COQ3: variants seen among roughly 807,000 people sequenced by gnomAD.
COQ3 encodes ubiquinone biosynthesis O-methyltransferase, mitochondrial.
A neutral mutation model predicts 33.1 loss-of-function variants in COQ3; 29 were observed. The observed-to-expected ratio is 0.88, with a 90% CI of 0.65 to 1.19. The LOEUF (loss-of-function observed/expected upper bound fraction) is 1.19. COQ3 is among the 50% of genes most tolerant of loss of function. The pLI, the probability that COQ3 is intolerant of heterozygous loss-of-function variation, is 0.00. For missense variants in COQ3, 437 were observed against 430.7 expected (o/e 1.01, Z -0.13); for synonymous variants, 173 against 157.8 (o/e 1.10, Z -0.72).
At chr6:99,389,894 A>C (rs1303084869) in intron 1 of COQ3, among the ~76,000 whole-genome samples, 1 of 152,186 alleles carries the variant, frequency 6.6e-6, no homozygotes, top group Non-Finnish European at 1.5e-5. Flanking sequence ...TGGGCGGATC[A>C]CTTGAGGTCA....
intron 1 of COQ3, among the ~76,000 whole-genome samples, chr6:99,385,091 A>T (rs1371120683): frequency 1.3e-5 from 2 of 152,246 alleles, no homozygotes; most frequent in Non-Finnish European, 2.9e-5. Context: ...AGCCTGGGCG[A>T]CAGAGCAAGA....
chr6:99,384,032 C>T (rs1453175247), intron 1 of COQ3, among the ~76,000 whole-genome samples: 12 of 152,204 alleles, frequency 7.9e-5, no homozygotes, highest in Middle Eastern at 3.4e-3. Context: ...TCCCAAGTAG[C>T]GGGGACTACA....
At position 99,377,397 on chromosome 6, in the gene COQ3, G is replaced by A. The variant is rs779109045; in HGVS notation, c.475C>T (p.Leu159=). ...KILDVGCGGG[L]LTEPLGRLGA... ...AAGCTGTCACTTACTTCAGTTAACAGCCCACCACCACAGCCAACGTCAAGA... is the reference window on the plus strand; with the variant it reads ...AAGCTGTCACTTACTTCAGTTAACAACCCACCACCACAGCCAACGTCAAGA... Residue 159 remains leucine (L), a synonymous_variant, in exon 4 of 7, where the codon CTG becomes TTG. Coordinates refer to ENST00000254759, the MANE Select transcript of COQ3 (RefSeq NM_017421.4). The A allele has an allele frequency of 9.3e-6, 15 of 1,612,592 alleles. No individual in the cohort carries two copies. Among genetic ancestry groups the A allele is most frequent in the Non-Finnish European group, 1.2e-5 (14 of 1,179,048 alleles).
rs1371758893 is a variant in COQ3, at chr6:99,371,535, G to T, written c.782C>A (p.Ala261Asp). The change falls in exon 6 of 7, where the codon GCC becomes GAC. Residue 261 changes from alanine (A) to aspartate (D), a missense_variant. Transcript: ENST00000254759. ...TTGCTCTGAAAAAACAATTCCCAAG[G>T]CATAGGAAAGTTGTGTTTTGTTGAT... The part of the protein sequence containing the change: ...TTINKTQLSY[A>D]LGIVFSEQIA... 6.2e-7 allele frequency: 1 copy of T among 1,606,882 alleles called. No homozygotes were observed. The highest frequency in any genetic ancestry group is 8.5e-7 in the Non-Finnish European group (1 of 1,176,284).
intron 6 of COQ3, among the ~76,000 whole-genome samples, chr6:99,370,462 C>A (rs796372164): frequency 1.8e-4 from 27 of 150,790 alleles, no homozygotes; most frequent in African/African-American, 6.3e-4. Flanking sequence ...GATTCTCCTG[C>A]CTCAGACTCT....
chr6:99,374,904 C>G (rs552221263), intron 5 of COQ3, among the ~76,000 whole-genome samples: 6 of 151,984 alleles, frequency 3.9e-5, no homozygotes, highest in South Asian at 4.2e-4. Context: ...TTACCATGTA[C>G]AGAATTACTT....
rs756768616 is a variant in COQ3 at position 99,369,669 on chromosome 6, C to T, written c.1041G>A (p.Lys347=). The T allele has an allele frequency of 6.8e-6, 11 of 1,613,956 alleles. No individual in the cohort carries two copies. The highest frequency in any genetic ancestry group is 3.3e-5 in the Admixed American group (2 of 59,978). Residue 347 remains lysine, a synonymous_variant, in exon 7 of 7, where the codon AAG becomes AAA. Coordinates refer to ENST00000254759, the MANE Select transcript of COQ3 (RefSeq NM_017421.4). ...TAGCTTGGAGCTCTTCTGTTTCTCC[C>T]TTTAAAACAAACTCAGCAGAGGCTG... is the stretch of plus-strand genomic sequence containing the variant. ...EHPASAEFVL[K]GETEELQANA... is the part of the protein sequence containing the mutation.
chr6:99,388,886 TACACGCACAC>T (rs1442326691), intron 1 of COQ3, among the ~76,000 whole-genome samples: 1 of 79,768 alleles, frequency 1.3e-5, no homozygotes, highest in East Asian at 2.8e-4. Context: ...CACTAATGTA[TACACGCACAC>T]ACACACACAC....
intron 1 of COQ3, among the ~76,000 whole-genome samples, chr6:99,391,090 T>TATTGATTG (rs1226341620): frequency 8.2e-6 from 1 of 121,918 alleles, no homozygotes; most frequent in East Asian, 2.2e-4. Flanking sequence ...TTTATTTATT[T>TATTGATTG]ATTTATTTAT....
At chr6:99,383,890 A>C in intron 1 of COQ3, 66 bp from the exon 2 acceptor site, 1 of 1,198,972 alleles carries the variant, frequency 8.3e-7, no homozygotes, top group East Asian at 2.6e-5. Flanking sequence ...TATGCATGTA[A>C]TTGAAGATTC....
At chr6:99,388,974 T>A (rs1562210504) in intron 1 of COQ3, among the ~76,000 whole-genome samples, 1 of 149,054 alleles carries the variant, frequency 6.7e-6, no homozygotes, top group African/African-American at 2.5e-5. Context: ...GCATGTACAG[T>A]TGGCAAAAAC....
intron 4 of COQ3, 131 bp from the exon 5 acceptor site, chr6:99,376,313 G>A (rs1263032888): frequency 1.1e-6 from 1 of 886,322 alleles, no homozygotes; most frequent in Non-Finnish European, 1.7e-6. Context: ...TGGGTACATG[G>A]AAACTCATAT....
Position 99,377,499 on chromosome 6 carries a change from T to C in COQ3, c.387-14A>G, listed in dbSNP as rs1485245436. 8 of 1,563,762 alleles carry C rather than the reference T, an allele frequency of 5.1e-6. No individual in the cohort carries two copies. The highest frequency in any genetic ancestry group is 7.0e-6 in the Non-Finnish European group (8 of 1,140,938). Reference sequence around the variant, plus strand: ...AGAAGATTGTCCCTTTTTTAAAAAATTCAAAACATACCAAAACAAATAATT... The same window carrying C: ...AGAAGATTGTCCCTTTTTTAAAAAACTCAAAACATACCAAAACAAATAATT... On this transcript the variant is annotated splice_polypyrimidine_tract_variant and intron_variant, in intron 3 of 6. Transcript: ENST00000254759.
intron 5 of COQ3, among the ~76,000 whole-genome samples, chr6:99,375,466 C>G (rs1774257937): frequency 1.3e-5 from 2 of 151,830 alleles, no homozygotes; most frequent in African/African-American, 4.8e-5. Context: ...TCACTGCAAC[C>G]TCCACCTCCA....
At chr6:99,375,022 T>G (rs556844683) in intron 5 of COQ3, among the ~76,000 whole-genome samples, 164 of 152,024 alleles carry the variant, frequency 1.1e-3, no homozygotes, top group African/African-American at 3.9e-3. Context: ...TCGCTCTTGT[T>G]GCCCAGGCAC....
At chr6:99,370,256 A>G (rs1774089878) in intron 6 of COQ3, among the ~76,000 whole-genome samples, 2 of 152,190 alleles carry the variant, frequency 1.3e-5, no homozygotes, top group Admixed American at 1.3e-4. Context: ...TTATTAAAAA[A>G]TATGTGCCAA....
chr6:99,393,494 G>A (rs1342785879), intron 1 of COQ3, among the ~76,000 whole-genome samples: 1 of 152,150 alleles, frequency 6.6e-6, no homozygotes, highest in Non-Finnish European at 1.5e-5. Context: ...TATTTGTTAA[G>A]AGTTCCATGT....
At chr6:99,371,864 TG>T (rs750241881) in intron 5 of COQ3, among the ~76,000 whole-genome samples, 16 of 152,178 alleles carry the variant, frequency 1.1e-4, no homozygotes, top group Non-Finnish European at 2.4e-4. Flanking sequence ...TATATTCTTT[TG>T]TACATATCAA....
Position 99,394,154 on chromosome 6 carries a change from G to A in COQ3, c.26C>T (p.Ser9Phe), listed in dbSNP as rs1434642253. The change falls in exon 1 of 7, where the codon TCC becomes TTC. Residue 9 changes from serine (S) to phenylalanine (F), a missense_variant. Physicochemically the swap from Ser to Phe is radical, Grantham distance 155. Coordinates refer to ENST00000254759, the MANE Select transcript of COQ3 (RefSeq NM_017421.4). ...CACTCTTAAAAACCAACCCCCGGAG[G>A]AGCCCAGCTTACGGCCACTCCACAT... MWSGRKLG[S>F]SGGWFLRVLG... 6.2e-7 allele frequency: 1 copy of A among 1,606,168 alleles called. No individual in the cohort carries two copies. The highest frequency in any genetic ancestry group is 8.5e-7 in the Non-Finnish European group (1 of 1,176,190).
Sources: gnomAD v4.1 joint callset for allele counts (sites outside exome capture counted in the v4.1 genomes callset) on GRCh38, gnomAD v4.1.1 for gene constraint, MANE v1.5 for transcripts, NCBI Gene and HGNC (gene_info 2026-07-23, HGNC 2026-07-21) for gene names.